TMTC2: variants seen among roughly 807,000 people sequenced by gnomAD.
TMTC2 encodes the protein protein O-mannosyl-transferase TMTC2.
In TMTC2, 43 loss-of-function variants were observed where a neutral mutation model predicts 82.4. That is an observed-to-expected ratio of 0.52 (90% confidence interval 0.41 to 0.67). TMTC2 has a LOEUF of 0.67. TMTC2 is among the 30% of genes least tolerant of loss of function. The pLI is 0.00. For missense variants in TMTC2, 919 were observed against 1,012.4 expected (o/e 0.91, Z 1.25); for synonymous variants, 408 against 381.9 (o/e 1.07, Z -0.80).
intron 2 of TMTC2, among the ~76,000 whole-genome samples, chr12:82,885,785 C>T (rs1410591163): frequency 1.3e-5 from 2 of 152,142 alleles, no homozygotes; most frequent in Non-Finnish European, 2.9e-5. Context: ...CCTTCATCAC[C>T]TGCCAGTGAT....
rs76845110 is a variant in TMTC2 at position 82,866,779 on chromosome 12, A to G, written c.654+9199A>G. 3.7e-3 allele frequency among the ~76,000 whole-genome samples: 567 copies of G among 152,340 alleles called. 3 individuals are homozygous for G. Among genetic ancestry groups the G allele is most frequent in the African/African-American group, 0.013 (535 of 41,572 alleles). ...TTAAATGCTTAGAATGGTGGAAATGATAACTTATTGTTGATTTATCGAATG... is the reference window on the plus strand; with the variant it reads ...TTAAATGCTTAGAATGGTGGAAATGGTAACTTATTGTTGATTTATCGAATG... On this transcript the variant is annotated intron_variant, in intron 2 of 11. Transcript: ENST00000321196.
At chr12:83,028,644 G>T (rs1172691294) in intron 8 of TMTC2, among the ~76,000 whole-genome samples, 1 of 151,690 alleles carries the variant, frequency 6.6e-6, no homozygotes, top group Non-Finnish European at 1.5e-5. Context: ...TTTTATTAAA[G>T]AAATTATAGT....
At chr12:83,111,356 G>A (rs1049148437) in intron 11 of TMTC2, among the ~76,000 whole-genome samples, 2 of 152,230 alleles carry the variant, frequency 1.3e-5, no homozygotes, top group African/African-American at 4.8e-5. Context: ...TGTTGCAGAT[G>A]TTCAGCTCTG....
intron 1 of TMTC2, among the ~76,000 whole-genome samples, chr12:82,748,991 C>T (rs569626792): frequency 5.3e-5 from 8 of 152,278 alleles, no homozygotes; most frequent in South Asian, 2.1e-4. Flanking sequence ...GTTTGTGCTA[C>T]GCATTGTTTG....
intron 2 of TMTC2, among the ~76,000 whole-genome samples, chr12:82,858,495 G>T (rs1565781136): frequency 6.6e-6 from 1 of 152,162 alleles, no homozygotes; most frequent in South Asian, 2.1e-4. Context: ...AGGAATTAAG[G>T]TTTTGGATAC....
At chr12:82,708,807 C>A (rs1470405453) in intron 1 of TMTC2, among the ~76,000 whole-genome samples, 2 of 152,238 alleles carry the variant, frequency 1.3e-5, no homozygotes, top group Non-Finnish European at 2.9e-5. Flanking sequence ...GGCTGTGCTT[C>A]AATGTGCTCT....
intron 1 of TMTC2, among the ~76,000 whole-genome samples, chr12:82,747,512 A>T (rs1364812730): frequency 2.0e-5 from 3 of 152,246 alleles, no homozygotes; most frequent in Admixed American, 2.0e-4. Flanking sequence ...TTTCTCTGTC[A>T]TAATGCCAAG....
chr12:83,094,318 G>A (rs113096560), intron 11 of TMTC2, among the ~76,000 whole-genome samples: 1 of 152,142 alleles, frequency 6.6e-6, no homozygotes, highest in Non-Finnish European at 1.5e-5. Context: ...ACCTGCTCTG[G>A]GGAGCATTTC....
At chr12:82,695,453 T>C (rs1592853394) in intron 1 of TMTC2, among the ~76,000 whole-genome samples, 1 of 152,242 alleles carries the variant, frequency 6.6e-6, no homozygotes, top group South Asian at 2.1e-4. Context: ...CATATTGTTA[T>C]TGAGTTCTAT....
chr12:82,892,573 A>G (rs1873449586), intron 2 of TMTC2, among the ~76,000 whole-genome samples: 1 of 152,216 alleles, frequency 6.6e-6, no homozygotes, highest in Admixed American at 6.5e-5. Flanking sequence ...TGTTAAGGCT[A>G]ACTACTTCTG....
At chr12:82,808,174 C>A (rs1879329139) in intron 1 of TMTC2, among the ~76,000 whole-genome samples, 4 of 151,776 alleles carry the variant, frequency 2.6e-5, no homozygotes, top group Admixed American at 2.0e-4. Flanking sequence ...ACCAAAATGT[C>A]ATTAAAATTA....
intron 1 of TMTC2, among the ~76,000 whole-genome samples, chr12:82,713,840 G>A (rs924419286): frequency 6.6e-6 from 1 of 152,184 alleles, no homozygotes; most frequent in East Asian, 1.9e-4. Context: ...TTGTTTTTGG[G>A]CATGCTGAAT....
chr12:82,907,910 G>A (rs1874411162), intron 3 of TMTC2, among the ~76,000 whole-genome samples: 2 of 152,080 alleles, frequency 1.3e-5, no homozygotes, highest in East Asian at 1.9e-4. Context: ...TCAGGAGTTC[G>A]AGACCAGCCT....
chr12:82,790,391 A>C (rs998316753), intron 1 of TMTC2, among the ~76,000 whole-genome samples: 1 of 152,054 alleles, frequency 6.6e-6, no homozygotes, highest in Non-Finnish European at 1.5e-5. Context: ...TCAAAATGCC[A>C]GTAATTTGTT....
intron 1 of TMTC2, among the ~76,000 whole-genome samples, chr12:82,819,305 TATA>T (rs1868938439): frequency 6.6e-6 from 1 of 152,066 alleles, no homozygotes; most frequent in Non-Finnish European, 1.5e-5. Context: ...GAATTGCTCT[TATA>T]ATGTTAACTT....
At chr12:82,724,693 TACAACC>T (rs1306665298) in intron 1 of TMTC2, among the ~76,000 whole-genome samples, 2 of 152,310 alleles carry the variant, frequency 1.3e-5, no homozygotes, top group East Asian at 3.9e-4. Context: ...TGGAAAGACT[TACAACC>T]AGTTGTCAGG....
At chr12:82,904,219 G>T (rs552386789) in intron 3 of TMTC2, among the ~76,000 whole-genome samples, 8 of 152,240 alleles carry the variant, frequency 5.3e-5, no homozygotes, top group African/African-American at 1.9e-4. Flanking sequence ...TGTATGTATG[G>T]TTTTCTGAGA....
At chr12:83,124,587 G>C (rs909268346) in intron 11 of TMTC2, among the ~76,000 whole-genome samples, 3 of 91,676 alleles carry the variant, frequency 3.3e-5, no homozygotes, top group Admixed American at 9.7e-5. Context: ...TTAATGAGCA[G>C]AAGTTTGTCA....
intron 1 of TMTC2, among the ~76,000 whole-genome samples, chr12:82,809,302 G>T (rs150630578): frequency 1.3e-5 from 2 of 151,948 alleles, no homozygotes; most frequent in Admixed American, 6.6e-5. Flanking sequence ...TACAGATCTT[G>T]CATTGCATGT....
Sources: allele counts gnomAD v4.1 joint callset (sites outside exome capture counted in the v4.1 genomes callset), GRCh38; gene constraint gnomAD v4.1.1; transcripts MANE v1.5; gene names NCBI Gene and HGNC (gene_info 2026-07-23, HGNC 2026-07-21).